Variants in DIP2B observed in about 807,000 individuals in gnomAD.
DIP2B encodes disco-interacting protein 2 homolog B.
Under a neutral mutation model 198.0 loss-of-function variants are expected in DIP2B, and 76 were observed. The observed-to-expected ratio is 0.38, with a 90% CI of 0.32 to 0.46. The LOEUF (loss-of-function observed/expected upper bound fraction) is 0.46, where lower values mean the gene tolerates loss of function less well. DIP2B is among the 20% of genes least tolerant of loss of function. The pLI is 0.99. For missense variants in DIP2B, 1,559 were observed against 1,978.4 expected, an observed-to-expected ratio of 0.79 and a Z score of 4.02; for synonymous variants, 701 against 739.1, an observed-to-expected ratio of 0.95 and a Z score of 0.84.
At chr12:50,687,717 C>T (rs117729984) in intron 12 of DIP2B, among the ~76,000 whole-genome samples, 1,942 of 152,000 alleles carry the variant, frequency 0.013, 22 homozygotes, top group Middle Eastern at 0.02. Context: ...GGGAATATCA[C>T]ACCGGGGCCT....
At chr12:50,633,085 A>AT (rs1188233408) in intron 2 of DIP2B, among the ~76,000 whole-genome samples, 1 of 152,054 alleles carries the variant, frequency 6.6e-6, no homozygotes, top group Non-Finnish European at 1.5e-5. Flanking sequence ...TGCCTTGTGA[A>AT]TGATTTTTTT....
Position 50,549,697 on chromosome 12 carries a change from T to TAAAAAAAAA in DIP2B, c.100+44473_100+44481dup, listed in dbSNP as rs56326368. 6.9e-4 allele frequency among the ~76,000 whole-genome samples: 45 copies of TAAAAAAAAA among 64,782 alleles called. 2 individuals carry two copies. The highest frequency in any genetic ancestry group is 1.1e-3 in the Admixed American group (5 of 4,446). 42.5% of individuals were successfully genotyped at this position (64,782 alleles called of 152,430 possible). A position where few individuals can be genotyped will look rare whatever the true frequency, so the allele number is the denominator to read the frequency against. ...CTGGTGAAAGAGCAAGACTCCATCT[T>TAAAAAAAAA]AAAAAAAAAAAAAAAAAAAAAAAAG... On this transcript the variant is annotated intron_variant, in intron 1 of 37. Coordinates refer to ENST00000301180, the MANE Select transcript of DIP2B (RefSeq NM_173602.3).
chr12:50,592,127 C>T (rs772598657), intron 1 of DIP2B, among the ~76,000 whole-genome samples: 5 of 152,138 alleles, frequency 3.3e-5, no homozygotes, highest in Middle Eastern at 3.4e-3. Context: ...GATGCATCTG[C>T]CTTGGCCTCC....
intron 1 of DIP2B, among the ~76,000 whole-genome samples, chr12:50,594,271 A>G (rs1290409654): frequency 6.6e-6 from 1 of 152,154 alleles, no homozygotes; most frequent in East Asian, 1.9e-4. Flanking sequence ...AATGTGAGGT[A>G]TCAAAGCCCA....
chr12:50,674,426 C>G (rs967320791), intron 5 of DIP2B, 48 bp from the exon 6 acceptor site: 4 of 1,606,640 alleles, frequency 2.5e-6, no homozygotes, highest in Non-Finnish European at 3.4e-6. Flanking sequence ...TTTGAAGGTT[C>G]TTAGTTTTGC....
At chr12:50,739,347 C>A in intron 35 of DIP2B, 62 bp from the exon 36 acceptor site, 1 of 1,534,636 alleles carries the variant, frequency 6.5e-7, no homozygotes, top group South Asian at 1.2e-5. Context: ...ATAACCTGAT[C>A]CAAGAGAATT....
intron 1 of DIP2B, among the ~76,000 whole-genome samples, chr12:50,541,375 CTT>C (rs1958324139): frequency 6.8e-6 from 1 of 147,262 alleles, no homozygotes; most frequent in Admixed American, 6.8e-5. Context: ...CTATCAAAAA[CTT>C]TTGGAATCCA....
chr12:50,555,223 C>G (rs557005085), intron 1 of DIP2B, among the ~76,000 whole-genome samples: 7 of 152,256 alleles, frequency 4.6e-5, no homozygotes, highest in African/African-American at 1.7e-4. Context: ...TCTTGGCTTC[C>G]TGGAAGAGGA....
At chr12:50,673,349 A>G (rs976917902) in intron 5 of DIP2B, among the ~76,000 whole-genome samples, 1 of 152,210 alleles carries the variant, frequency 6.6e-6, no homozygotes, top group South Asian at 2.1e-4. Context: ...AAGTAAGAAG[A>G]AGGAAATTAG....
chr12:50,692,685 A>G (rs1369023397), intron 13 of DIP2B, among the ~76,000 whole-genome samples: 2 of 152,110 alleles, frequency 1.3e-5, no homozygotes, highest in Admixed American at 1.3e-4. Flanking sequence ...TAAAAATACA[A>G]AATTAGCCGT....
chr12:50,543,532 G>A lies in DIP2B; in HGVS notation c.100+38292G>A, dbSNP rs193021630. 8.1e-3 allele frequency among the ~76,000 whole-genome samples: 1,236 copies of A among 151,842 alleles called. 18 individuals carry two copies. Among genetic ancestry groups the A allele is most frequent in the African/African-American group, 0.027 (1,126 of 41,460 alleles). On this transcript the variant is annotated intron_variant, in intron 1 of 37. Transcript: ENST00000301180. ...TCGAACTCCTGACCTCAGGTGATCC[G>A]CCAGCCTCGGCCTCCCAAAGTGCTG...
At chr12:50,622,871 C>CA (rs1395287755) in intron 1 of DIP2B, among the ~76,000 whole-genome samples, 1 of 152,008 alleles carries the variant, frequency 6.6e-6, no homozygotes, top group Non-Finnish European at 1.5e-5. Context: ...CTCGGCCTCC[C>CA]AAAGTGCTGG....
At chr12:50,619,384 T>C (rs1426984625) in intron 1 of DIP2B, among the ~76,000 whole-genome samples, 3 of 152,148 alleles carry the variant, frequency 2.0e-5, no homozygotes, top group Non-Finnish European at 4.4e-5. Context: ...AGAGTACAAC[T>C]AGCAAACCAC....
chr12:50,559,313 C>CTTTTTT lies in DIP2B; in HGVS notation c.100+54086_100+54091dup, dbSNP rs11301460. Among the ~76,000 whole-genome samples the CTTTTTT allele has an allele frequency of 7.3e-5, 9 of 123,010 alleles. No homozygotes were observed. In the East Asian group the frequency reaches 9.2e-4, roughly 13 times the overall value. The allele number at this position is 123,010 out of a possible 152,430, so 80.7% of individuals were successfully genotyped here. A position where few individuals can be genotyped will look rare whatever the true frequency, so the allele number is the denominator to read the frequency against. ...AGAGGAAGATGGTGTAATTATTTGT[C>CTTTTTT]TTTTTTTTTTTTTTTTTTGCTGGGC... On this transcript the variant is annotated intron_variant, in intron 1 of 37. Transcript: ENST00000301180.
At chr12:50,696,181 A>G (rs908669197) in intron 16 of DIP2B, among the ~76,000 whole-genome samples, 2 of 152,232 alleles carry the variant, frequency 1.3e-5, no homozygotes, top group Admixed American at 6.5e-5. Context: ...CATGCCCATT[A>G]TCAGTCACTC....
chr12:50,698,408 A>G lies in DIP2B; in HGVS notation c.2129A>G (p.Asn710Ser). The G allele has an allele frequency of 1.9e-6, 3 of 1,614,138 alleles. No individual in the cohort carries two copies. The highest frequency in any genetic ancestry group is 1.7e-6 in the Non-Finnish European group (2 of 1,179,980). Residue 710 changes from asparagine (N) to serine (S), a missense_variant, in exon 18 of 38, where the codon AAT becomes AGT. Coordinates refer to ENST00000301180, the MANE Select transcript of DIP2B (RefSeq NM_173602.3). Reference protein sequence around the residue: ...NGLSYGVIRVNTEDKNSALTV... With the variant: ...NGLSYGVIRVSTEDKNSALTV... Reference sequence around the variant, plus strand: ...TTGAGCTATGGGGTAATACGGGTCAATACTGAAGATAAAAATTCAGCACTG... The same window carrying G: ...TTGAGCTATGGGGTAATACGGGTCAGTACTGAAGATAAAAATTCAGCACTG...
intron 1 of DIP2B, among the ~76,000 whole-genome samples, chr12:50,538,541 A>G (rs1958290497): frequency 6.6e-6 from 1 of 152,202 alleles, no homozygotes; most frequent in South Asian, 2.1e-4. Context: ...TTTCAGTAAT[A>G]TGTTGCAGTC....
At chr12:50,718,213 T>C (rs1555195065) in intron 23 of DIP2B, among the ~76,000 whole-genome samples, 1 of 152,206 alleles carries the variant, frequency 6.6e-6, no homozygotes, top group Non-Finnish European at 1.5e-5. Context: ...TCACTTTTAA[T>C]TGAACAAATT....
In DIP2B at chr12:50,697,138, G is replaced by A. The variant is rs959501069; in HGVS notation, c.2011G>A (p.Ala671Thr). 17 of 1,613,896 alleles carry A rather than the reference G, an allele frequency of 1.1e-5. No individual in the cohort carries two copies. The highest frequency in any genetic ancestry group is 1.7e-5 in the Admixed American group (1 of 59,988). The stretch of plus-strand genomic sequence containing the variant: ...GAAGCCTGAGGCCATCTGTCCGTGC[G>A]CCACGTCTGCTGAAGCCATGACTGT... ...GLKPEAICPC[A>T]TSAEAMTVAI... Residue 671 changes from alanine to threonine, a missense_variant, in exon 17 of 38, where the codon GCC (alanine) becomes ACC (threonine). By Grantham distance (58) the Ala-to-Thr change is moderately conservative (BLOSUM62 0). Coordinates refer to ENST00000301180, the MANE Select transcript of DIP2B (RefSeq NM_173602.3).
Sources: allele counts gnomAD v4.1 joint callset (sites outside exome capture counted in the v4.1 genomes callset), GRCh38; gene constraint gnomAD v4.1.1; transcripts MANE v1.5; gene names NCBI Gene and HGNC (gene_info 2026-07-23, HGNC 2026-07-21).